The following FBXO31 variants were observed in gnomAD, a reference collection of about 807,000 sequenced individuals.
FBXO31 encodes the protein F-box only protein 31.
FBXO31 carries 24 observed loss-of-function variants against 54.4 expected under a neutral mutation model. The ratio of observed to expected loss-of-function variants is 0.44; its 90% CI spans 0.32 to 0.62. FBXO31 has a LOEUF of 0.62. Ranked by LOEUF, FBXO31 falls within the 20% of genes least tolerant of loss-of-function variation. FBXO31 has a pLI of 0.05. For synonymous variants in FBXO31, 388 were observed against 335.6 expected (o/e 1.16, Z -1.71); for missense variants, 665 against 787.1 (o/e 0.84, Z 1.86).
At chr16:87,372,022 G>A (rs1311038652) in intron 1 of FBXO31, among the ~76,000 whole-genome samples, 2 of 152,030 alleles carry the variant, frequency 1.3e-5, no homozygotes, top group Non-Finnish European at 2.9e-5. Flanking sequence ...TCAGGAGTTC[G>A]AGACCAGTCT....
intron 5 of FBXO31, among the ~76,000 whole-genome samples, chr16:87,340,011 G>A (rs1015538740): frequency 3.9e-5 from 6 of 152,178 alleles, no homozygotes; most frequent in African/African-American, 9.7e-5. Context: ...GGCCGGGCGC[G>A]GTGGCTCGCG....
At chr16:87,368,110 A>C (rs959139723) in intron 1 of FBXO31, among the ~76,000 whole-genome samples, 2 of 152,248 alleles carry the variant, frequency 1.3e-5, no homozygotes, top group African/African-American at 4.8e-5. Flanking sequence ...GATGAAATCA[A>C]CAACTTGATA....
intron 8 of FBXO31, 120 bp from the exon 9 acceptor site, chr16:87,331,630 A>G (rs1904864073): frequency 3.6e-6 from 3 of 838,714 alleles, no homozygotes; most frequent in Admixed American, 2.6e-5. Flanking sequence ...TTCATCAGCC[A>G]GAAGCTGACT....
At chr16:87,377,023 G>A (rs987153449) in intron 1 of FBXO31, among the ~76,000 whole-genome samples, 4 of 152,228 alleles carry the variant, frequency 2.6e-5, no homozygotes, top group African/African-American at 9.6e-5. Context: ...TGACCTAGAT[G>A]AGGTGGAATT....
At chr16:87,360,174 TA>T in intron 2 of FBXO31, 120 bp downstream of exon 2, 1 of 871,862 alleles carries the variant, frequency 1.1e-6, no homozygotes, top group Non-Finnish European at 1.9e-6. Context: ...AATGTGACTG[TA>T]AGATGGTGTC....
At chr16:87,340,491 G>A (rs923333886) in intron 5 of FBXO31, among the ~76,000 whole-genome samples, 13 of 152,176 alleles carry the variant, frequency 8.5e-5, no homozygotes, top group African/African-American at 3.1e-4. Context: ...ACCAAGGCTG[G>A]GGCTAAGCCT....
intron 1 of FBXO31, among the ~76,000 whole-genome samples, chr16:87,366,558 G>A (rs530454699): frequency 1.5e-4 from 23 of 152,314 alleles, no homozygotes; most frequent in Admixed American, 5.2e-4. Flanking sequence ...AGAGCTGGGA[G>A]GCAAAGGGAG....
At chr16:87,388,436 C>T (rs1331349559), upstream of FBXO31, among the ~76,000 whole-genome samples, 1 of 152,222 alleles carries the variant, frequency 6.6e-6, no homozygotes, top group African/African-American at 2.4e-5. Flanking sequence ...GATGACACCA[C>T]GATGGATAGG....
rs1275347643 is a variant in FBXO31, at chr16:87,328,701, C to T, written c.*2587G>A. On this transcript the variant is annotated 3_prime_UTR_variant, in exon 9 of 9. Transcript: ENST00000311635. ...AAAGAACACGTTCAGGTGTGCAGAG[C>T]TGCACTGCAGGCAGCCCCACTCCAG... 1 of 152,278 alleles carries T rather than the reference C, an allele frequency of 6.6e-6. No individual in the cohort carries two copies. The highest frequency in any genetic ancestry group is 2.4e-5 in the African/African-American group (1 of 41,456). The allele number at this position is 152,278 out of a possible 1,614,324, so 9.4% of individuals were successfully genotyped here.
Position 87,330,849 on chromosome 16 carries a change from G to A in FBXO31, c.*439C>T. 5.7e-6 allele frequency: 1 copy of A among 176,492 alleles called. No homozygotes were observed. Among genetic ancestry groups the A allele is most frequent in the Non-Finnish European group, 1.2e-5 (1 of 82,818 alleles). 10.9% of individuals were successfully genotyped at this position (176,492 alleles called of 1,614,324 possible). ...CCCTCCCAGAGGCCACTGTTGCCTG[G>A]CTTCCCCCAAAAGGAGTGGGGTGGA... On this transcript the variant is annotated 3_prime_UTR_variant, in exon 9 of 9. Transcript: ENST00000311635.
In FBXO31 at chr16:87,336,798, T is replaced by G. The variant is rs565440154; in HGVS notation, c.733-534A>C. On this transcript the variant is annotated intron_variant, in intron 5 of 8. Transcript: ENST00000311635. The surrounding 1 kb of genome is among the most constrained non-coding windows in gnomAD (Gnocchi z 6.5). ...TCCTTTTTCAAAGGAAAAGCAGGTA[T>G]GTTAAGGCGGTTCCCAAAAACTCCG... 4.2e-3 allele frequency among the ~76,000 whole-genome samples: 635 copies of G among 152,300 alleles called. 3 individuals carry two copies. Among genetic ancestry groups the G allele is most frequent in the African/African-American group, 0.014 (600 of 41,556 alleles).
Position 87,328,391 on chromosome 16 carries a change from A to C in FBXO31, c.*2897T>G, listed in dbSNP as rs1904724756. ...CCCAGTGTCAGGGCAGGGATGCCACAGAGCCGCAGGCAGACTGAAGGGGCC... is the reference window on the plus strand; with the variant it reads ...CCCAGTGTCAGGGCAGGGATGCCACCGAGCCGCAGGCAGACTGAAGGGGCC... On this transcript the variant is annotated 3_prime_UTR_variant, in exon 9 of 9. Coordinates refer to ENST00000311635, the MANE Select transcript of FBXO31 (RefSeq NM_024735.5). The C allele has an allele frequency of 6.6e-6, 1 of 152,428 alleles. No homozygotes were observed. The highest frequency in any genetic ancestry group is 2.1e-4 in the South Asian group (1 of 4,836). 9.4% of individuals were successfully genotyped at this position (152,428 alleles called of 1,614,324 possible). A position where few individuals can be genotyped will look rare whatever the true frequency, so the allele number is the denominator to read the frequency against.
Position 87,383,676 on chromosome 16 carries a change from C to T in FBXO31, c.69G>A (p.Arg23=), listed in dbSNP as rs1200448730. Residue 23 remains arginine, a synonymous_variant, in exon 1 of 9, where the codon CGG becomes CGA. Coordinates refer to ENST00000311635, the MANE Select transcript of FBXO31 (RefSeq NM_024735.5). This position sits in a 1 kb window ranked among gnomAD's most constrained non-coding sequence, Gnocchi z 4.9. ...CGGCCGCCGCCGTCTCGGCCGGGCC[C>T]CGGCGCTGCTGGCGGCGCCGACATC... The part of the protein sequence containing the change: ...SRGCRRRQQR[R]GPAETAAADS... 7.7e-7 allele frequency: 1 copy of T among 1,291,902 alleles called. No homozygotes were observed. The highest frequency in any genetic ancestry group is 9.7e-7 in the Non-Finnish European group (1 of 1,026,328). The allele number at this position is 1,291,902 out of a possible 1,614,324, so 80.0% of individuals were successfully genotyped here.
At chr16:87,357,111 G>A (rs1597370383) in intron 2 of FBXO31, among the ~76,000 whole-genome samples, 1 of 152,060 alleles carries the variant, frequency 6.6e-6, no homozygotes, top group Non-Finnish European at 1.5e-5. Flanking sequence ...CAGGCATGGT[G>A]GCACACGCCT....
intron 5 of FBXO31, among the ~76,000 whole-genome samples, chr16:87,337,921 A>T (rs1462686137): frequency 1.3e-5 from 2 of 152,248 alleles, no homozygotes; most frequent in Non-Finnish European, 2.9e-5. Flanking sequence ...CCATAAAAGA[A>T]AACAAAAAGT....
chr16:87,357,140 G>A (rs111985080), intron 2 of FBXO31, among the ~76,000 whole-genome samples: 3,070 of 152,052 alleles, frequency 0.02, 106 homozygotes, highest in African/African-American at 0.067. Context: ...AGCTACTAGG[G>A]AGGCTGAGGC....
upstream of FBXO31, among the ~76,000 whole-genome samples, chr16:87,390,540 A>C (rs559232833): frequency 4.3e-4 from 65 of 151,466 alleles, no homozygotes; most frequent in East Asian, 0.011. Flanking sequence ...TTCCGGTTTC[A>C]AGCGATTCTC....
intron 1 of FBXO31, among the ~76,000 whole-genome samples, chr16:87,374,805 T>C (rs1262114585): frequency 1.3e-5 from 2 of 152,218 alleles, no homozygotes; most frequent in Admixed American, 1.3e-4. Context: ...TCTTTTGTTA[T>C]TATTTGAATA....
At chr16:87,347,691 A>G (rs993166692) in intron 2 of FBXO31, among the ~76,000 whole-genome samples, 1 of 151,836 alleles carries the variant, frequency 6.6e-6, no homozygotes, top group African/African-American at 2.4e-5. Context: ...AAAAAAAAAA[A>G]AAAAAAAAAA....
Sources: gnomAD v4.1 joint callset for allele counts (sites outside exome capture counted in the v4.1 genomes callset) on GRCh38, gnomAD v4.1.1 for gene constraint, Gnocchi (gnomAD v3.1) non-coding constraint, MANE v1.5 for transcripts, NCBI Gene and HGNC (gene_info 2026-07-23, HGNC 2026-07-21) for gene names.